Variants in DLG1 observed in about 807,000 individuals in gnomAD.
DLG1 encodes discs large MAGUK scaffold protein 1.
A neutral mutation model predicts 123.4 loss-of-function variants in DLG1; 42 were observed. The observed-to-expected ratio is 0.34, with a 90% CI of 0.27 to 0.44. The LOEUF (loss-of-function observed/expected upper bound fraction) is 0.44, where lower values mean the gene tolerates loss of function less well. Ranked by LOEUF, DLG1 falls within the 20% of genes least tolerant of loss-of-function variation. The pLI, the probability that DLG1 is intolerant of heterozygous loss-of-function variation, is 1.00. For missense variants in DLG1, 942 were observed against 1,082.6 expected (o/e 0.87, Z 1.82); for synonymous variants, 317 against 356.2 (o/e 0.89, Z 1.24).
chr3:197,248,636 T>C (rs1190449727), intron 4 of DLG1, among the ~76,000 whole-genome samples: 1 of 152,228 alleles, frequency 6.6e-6, no homozygotes, highest in African/African-American at 2.4e-5. Flanking sequence ...CCTGTTTCTG[T>C]GTCCTCCCCT....
chr3:197,104,616 A>G (rs1394558363), intron 14 of DLG1, among the ~76,000 whole-genome samples: 1 of 152,146 alleles, frequency 6.6e-6, no homozygotes, highest in African/African-American at 2.4e-5. Flanking sequence ...TGGGAGGCAG[A>G]GGTTGCGGTG....
At chr3:197,296,995 TAAGA>T (rs1777747220) in intron 2 of DLG1, 187 bp downstream of exon 2, 3 of 655,160 alleles carry the variant, frequency 4.6e-6, no homozygotes, top group Non-Finnish European at 7.8e-6. Context: ...AGAGAAATGT[TAAGA>T]AAGTTTAACA....
At chr3:197,084,827 C>T (rs970165099) in intron 16 of DLG1, among the ~76,000 whole-genome samples, 1 of 151,398 alleles carries the variant, frequency 6.6e-6, no homozygotes, top group Non-Finnish European at 1.5e-5. Flanking sequence ...TGCTCTGTCT[C>T]CCAGGCTGGA....
chr3:197,297,722 G>T (rs1366508611), intron 1 of DLG1: 20 of 986,594 alleles, frequency 2.0e-5, no homozygotes, highest in Non-Finnish European at 2.4e-5. Flanking sequence ...GGCCGGACAG[G>T]GCAGCGGCCG....
At chr3:197,183,850 C>A in intron 5 of DLG1, 1 of 1,535,418 alleles carries the variant, frequency 6.5e-7, no homozygotes, top group South Asian at 1.2e-5. Flanking sequence ...GCTTACTTCT[C>A]TACCAGCTGC....
At chr3:197,153,429 C>T (rs1490762609) in intron 5 of DLG1, among the ~76,000 whole-genome samples, 1 of 152,230 alleles carries the variant, frequency 6.6e-6, no homozygotes, top group Non-Finnish European at 1.5e-5. Flanking sequence ...CAGCTCCCCA[C>T]ACTCTATCCC....
In DLG1 at chr3:197,228,935, G is replaced by T. The variant is rs143453217; in HGVS notation, c.319-34346C>A. Among the ~76,000 whole-genome samples the T allele has an allele frequency of 8.0e-3, 1,216 of 152,210 alleles. 16 individuals are homozygous for T. Among genetic ancestry groups the T allele is most frequent in the African/African-American group, 0.027 (1,141 of 41,520 alleles). On this transcript the variant is annotated intron_variant, in intron 4 of 24. Coordinates refer to ENST00000667157, the MANE Select transcript of DLG1 (RefSeq NM_001366207.1). ...GCTTGGAAAAAGAGGCAAAAAAATT[G>T]GTAGTACGTTCAATGCTGTATAGAG...
At chr3:197,273,345 C>T (rs962578487) in intron 4 of DLG1, among the ~76,000 whole-genome samples, 55 of 151,784 alleles carry the variant, frequency 3.6e-4, no homozygotes, top group East Asian at 1.9e-4. Context: ...CTTCCCAGGC[C>T]TCCTGCCTCA....
chr3:197,069,160 C>A (rs892791996), intron 19 of DLG1, 59 bp downstream of exon 19: 36 of 1,206,612 alleles, frequency 3.0e-5, no homozygotes, highest in Middle Eastern at 1.9e-4. Context: ...AATCCCTCCA[C>A]CCCTGCAGAG....
At chr3:197,093,961 T>C (rs1759231081) in intron 14 of DLG1, among the ~76,000 whole-genome samples, 2 of 152,118 alleles carry the variant, frequency 1.3e-5, no homozygotes, top group Admixed American at 6.6e-5. Flanking sequence ...ACTTTCAAGG[T>C]CAGATTAGAA....
At chr3:197,228,605 T>TA (rs1741196269) in intron 4 of DLG1, among the ~76,000 whole-genome samples, 1 of 152,184 alleles carries the variant, frequency 6.6e-6, no homozygotes, top group Non-Finnish European at 1.5e-5. Context: ...GAAGACAGTA[T>TA]AAAAAACATG....
At position 197,071,924 on chromosome 3, in the gene DLG1, T is replaced by C. The variant is rs116512606; in HGVS notation, c.2006-2664A>G. On this transcript the variant is annotated intron_variant, in intron 18 of 24. Transcript: ENST00000667157. ...TATCTATACGACCCAGCAATTCCTT[T>C]CCTAGATATTTCCCCAACAGAAAGG... 3.9e-3 allele frequency among the ~76,000 whole-genome samples: 596 copies of C among 152,322 alleles called. 4 individuals are homozygous for C. The highest frequency in any genetic ancestry group is 0.013 in the African/African-American group (523 of 41,568).
At chr3:197,190,666 T>C (rs1458472806) in intron 5 of DLG1, among the ~76,000 whole-genome samples, 1 of 152,072 alleles carries the variant, frequency 6.6e-6, no homozygotes, top group African/African-American at 2.4e-5. Flanking sequence ...CATCCCAAGA[T>C]TGATCACCTT....
At chr3:197,183,815 A>G in intron 5 of DLG1, 1 of 1,547,914 alleles carries the variant, frequency 6.5e-7, no homozygotes, top group Non-Finnish European at 8.7e-7. Context: ...TCATCTCTGC[A>G]GCCCTGCAGG....
At chr3:197,239,078 TTAAC>T in intron 4 of DLG1, among the ~76,000 whole-genome samples, 1 of 151,936 alleles carries the variant, frequency 6.6e-6, no homozygotes, top group South Asian at 2.1e-4. Context: ...ACACAAACCT[TTAAC>T]TATATGGAAT....
chr3:197,222,804 A>G lies in DLG1; in HGVS notation c.319-28215T>C, dbSNP rs186040332. On this transcript the variant is annotated intron_variant, in intron 4 of 24. Transcript: ENST00000667157. ...CTTCCCTCTGGGATTCTCTCACTTC[A>G]ATTACTGCTGTCACCAAACATACTT... Among the ~76,000 whole-genome samples the G allele has an allele frequency of 2.0e-4, 31 of 152,318 alleles. 1 individual carries two copies. The highest frequency in any genetic ancestry group is 6.3e-4 in the African/African-American group (26 of 41,560).
intron 3 of DLG1, among the ~76,000 whole-genome samples, chr3:197,288,743 A>AAAAAAAAACATAC (rs1553827364): frequency 1.4e-5 from 1 of 72,078 alleles, no homozygotes; most frequent in African/African-American, 7.3e-5. Flanking sequence ...AAAAAAAAAA[A>AAAAAAAAACATAC]ATACATACAT....
In DLG1 at chr3:197,282,421, T is replaced by G. The variant is rs9862727; in HGVS notation, c.318+258A>C. Among the ~76,000 whole-genome samples, 116 of 152,340 alleles carry G rather than the reference T, an allele frequency of 7.6e-4. 1 individual carries two copies. Among genetic ancestry groups the G allele is most frequent in the African/African-American group, 2.6e-3 (108 of 41,580 alleles). On this transcript the variant is annotated intron_variant, in intron 4 of 24. Coordinates refer to ENST00000667157, the MANE Select transcript of DLG1 (RefSeq NM_001366207.1). ...GATGAAGCCTTGTTGAGGTCTATCA[T>G]GCAAAGAATTTTTTAATAGTCTAAA...
intron 4 of DLG1, among the ~76,000 whole-genome samples, chr3:197,208,969 T>C (rs770229694): frequency 2.1e-5 from 3 of 146,122 alleles, no homozygotes; most frequent in Admixed American, 1.4e-4. Context: ...GGTACACAGC[T>C]AGAAAATCCA....
Sources: allele counts gnomAD v4.1 joint callset (sites outside exome capture counted in the v4.1 genomes callset), GRCh38; gene constraint gnomAD v4.1.1; transcripts MANE v1.5; gene names NCBI Gene and HGNC (gene_info 2026-07-23, HGNC 2026-07-21).